Variants in MOBP observed in about 807,000 individuals in gnomAD.
MOBP encodes the protein myelin associated oligodendrocyte basic protein.
Under a neutral mutation model 15.0 loss-of-function variants are expected in MOBP, and 5 were observed. The ratio of observed to expected loss-of-function variants is 0.33; its 90% confidence interval spans 0.17 to 0.70. The LOEUF (loss-of-function observed/expected upper bound fraction) is 0.70. MOBP is among the 30% of genes least tolerant of loss of function. MOBP has a pLI of 0.67. For missense variants in MOBP, 188 were observed against 257.8 expected (o/e 0.73, Z 1.85); for synonymous variants, 88 against 99.0 (o/e 0.89, Z 0.66).
chr3:39,473,326 C>T (rs2042497113), intron 1 of MOBP, among the ~76,000 whole-genome samples: 1 of 152,166 alleles, frequency 6.6e-6, no homozygotes, highest in Non-Finnish European at 1.5e-5. Context: ...GGAGGGGGAA[C>T]ATGGGGAAGG....
At chr3:39,518,165 G>T (rs1345610839), downstream of MOBP, among the ~76,000 whole-genome samples, 13 of 152,204 alleles carry the variant, frequency 8.5e-5, no homozygotes, top group Admixed American at 8.5e-4. Flanking sequence ...TCAGGCTGGG[G>T]ATCTGTGGGA....
chr3:39,509,332 T>C (rs916284508), intron 4 of MOBP, among the ~76,000 whole-genome samples: 2 of 152,178 alleles, frequency 1.3e-5, no homozygotes, highest in Admixed American at 1.3e-4. Flanking sequence ...GTTGTAACAT[T>C]TTTCATTCCT....
chr3:39,520,298 C>T (rs2043250009), downstream of MOBP, among the ~76,000 whole-genome samples: 1 of 152,190 alleles, frequency 6.6e-6, no homozygotes, highest in Non-Finnish European at 1.5e-5. Flanking sequence ...TAAGTTCTAT[C>T]ACTGCTGAAT....
downstream of MOBP, among the ~76,000 whole-genome samples, chr3:39,504,679 T>C (rs2043027117): frequency 6.6e-6 from 1 of 152,250 alleles, no homozygotes; most frequent in East Asian, 1.9e-4. Flanking sequence ...CCTTCTTAGA[T>C]TCCCAAAGGT....
chr3:39,477,578 T>G (rs2042561226), intron 1 of MOBP, among the ~76,000 whole-genome samples: 2 of 151,694 alleles, frequency 1.3e-5, no homozygotes, highest in Non-Finnish European at 2.9e-5. Flanking sequence ...AATACACTTT[T>G]TATTGTTATT....
At chr3:39,510,438 C>G (rs2125666310) in intron 4 of MOBP, among the ~76,000 whole-genome samples, 1 of 152,218 alleles carries the variant, frequency 6.6e-6, no homozygotes, top group South Asian at 2.1e-4. Flanking sequence ...AATACTGAGT[C>G]TGATAATTCA....
chr3:39,478,870 C>T (rs1487726642), intron 1 of MOBP, among the ~76,000 whole-genome samples: 2 of 151,474 alleles, frequency 1.3e-5, no homozygotes, highest in Non-Finnish European at 2.9e-5. Context: ...CACTTTGTCA[C>T]CCAGGCTAAA....
chr3:39,513,324 G>A, intron 4 of MOBP: 1 of 1,446,734 alleles, frequency 6.9e-7, no homozygotes, highest in South Asian at 1.2e-5. Context: ...CAGAGAAAGA[G>A]AGAGAGTATA....
intron 4 of MOBP, among the ~76,000 whole-genome samples, chr3:39,509,100 G>A (rs1224531416): frequency 3.1e-5 from 3 of 95,608 alleles, no homozygotes; most frequent in Non-Finnish European, 5.7e-5. Flanking sequence ...TTGTGTGTGT[G>A]TGTGTATATA....
intron 2 of MOBP, among the ~76,000 whole-genome samples, chr3:39,494,185 A>G (rs886809381): frequency 5.9e-5 from 9 of 152,164 alleles, no homozygotes; most frequent in Admixed American, 4.6e-4. Context: ...TTATTGTATG[A>G]TGTTGGGGAT....
At chr3:39,503,058 G>A (rs2042998918), downstream of MOBP, 21 of 531,124 alleles carry the variant, frequency 4.0e-5, no homozygotes, top group South Asian at 6.1e-4. Flanking sequence ...TTCCTCCTAG[G>A]TGCTATTGGT....
At chr3:39,528,353 T>C (rs1006013647), downstream of MOBP, 1 of 152,024 alleles carries the variant, frequency 6.6e-6, no homozygotes, top group East Asian at 1.9e-4. Context: ...GAGAAACCAC[T>C]GCCTGTTGGA....
chr3:39,506,341 C>G (rs931016076), downstream of MOBP, among the ~76,000 whole-genome samples: 1 of 152,118 alleles, frequency 6.6e-6, no homozygotes, highest in Non-Finnish European at 1.5e-5. Context: ...CCTTAGCACC[C>G]CCGCCCCTGG....
At chr3:39,521,561 T>C (rs1398662) in intron 3 of MOBP, among the ~76,000 whole-genome samples, 1,581 of 152,290 alleles carry the variant, frequency 0.01, 30 homozygotes, top group African/African-American at 0.036. Context: ...ATTTGTAATA[T>C]ATTTAAAAGA....
intron 2 of MOBP, among the ~76,000 whole-genome samples, chr3:39,496,267 C>A (rs1450386786): frequency 6.7e-6 from 1 of 150,328 alleles, no homozygotes; most frequent in East Asian, 1.9e-4. Context: ...GGCCCGATCT[C>A]GGCTCAGTGC....
At chr3:39,516,498 T>G (rs1376205556), downstream of MOBP, among the ~76,000 whole-genome samples, 1 of 152,138 alleles carries the variant, frequency 6.6e-6, no homozygotes, top group Non-Finnish European at 1.5e-5. Flanking sequence ...ATTTTCTGCC[T>G]GTGGTTTTGA....
chr3:39,493,021 C>T (rs374377375), intron 2 of MOBP, among the ~76,000 whole-genome samples: 23 of 152,194 alleles, frequency 1.5e-4, no homozygotes, highest in African/African-American at 4.8e-4. Context: ...AAGTGGGCTG[C>T]AGCATGTCAA....
intron 2 of MOBP, among the ~76,000 whole-genome samples, chr3:39,498,092 A>G (rs1473045209): frequency 6.6e-6 from 1 of 152,226 alleles, no homozygotes; most frequent in African/African-American, 2.4e-5. Context: ...TAAAATATGT[A>G]AGGATGTGGC....
chr3:39,469,281 T>C (rs199989521), intron 1 of MOBP, among the ~76,000 whole-genome samples: 3 of 122,324 alleles, frequency 2.5e-5, no homozygotes, highest in Middle Eastern at 8.8e-3. Context: ...TAGATATATA[T>C]ACATATGTGT....
Sources: gnomAD v4.1 joint callset for allele counts (sites outside exome capture counted in the v4.1 genomes callset) on GRCh38, gnomAD v4.1.1 for gene constraint, MANE v1.5 for transcripts, NCBI Gene and HGNC (gene_info 2026-07-23, HGNC 2026-07-21) for gene names.